The following NLRP5 variants were observed in gnomAD, a reference collection of about 807,000 sequenced individuals.
NLRP5 encodes the protein NLR family pyrin domain containing 5.
NLRP5 carries 93 observed loss-of-function variants against 113.1 expected under a neutral mutation model. The ratio of observed to expected loss-of-function variants is 0.82; its 90% CI spans 0.70 to 0.98. NLRP5 has a LOEUF of 0.98. Ranked by LOEUF, NLRP5 falls within the 50% of genes least tolerant of loss-of-function variation. NLRP5 has a pLI of 0.00. For missense variants in NLRP5, 1,808 were observed against 1,514.3 expected (o/e 1.19, Z -3.22); for synonymous variants, 751 against 600.7 (o/e 1.25, Z -3.66).
chr19:56,020,056 C>G (rs557958463), intron 5 of NLRP5, among the ~76,000 whole-genome samples: 2 of 151,768 alleles, frequency 1.3e-5, no homozygotes, highest in Non-Finnish European at 2.9e-5. Context: ...AAGCTGGTCT[C>G]GAACTCGTGA....
chr19:56,017,229 T>C (rs1982441695), intron 4 of NLRP5, among the ~76,000 whole-genome samples: 2 of 152,210 alleles, frequency 1.3e-5, no homozygotes, highest in African/African-American at 4.8e-5. Flanking sequence ...ATTTTGTTCT[T>C]TTCAAAGAAC....
At chr19:56,022,898 A>G (rs542689620) in intron 6 of NLRP5, among the ~76,000 whole-genome samples, 1 of 152,058 alleles carries the variant, frequency 6.6e-6, no homozygotes, top group Non-Finnish European at 1.5e-5. Context: ...CTAATTTTGT[A>G]TTTTTAGTAG....
chr19:56,042,248 T>G (rs188729182), intron 11 of NLRP5, among the ~76,000 whole-genome samples: 62 of 152,270 alleles, frequency 4.1e-4, no homozygotes, highest in African/African-American at 1.3e-3. Flanking sequence ...TGATTACTAC[T>G]GCATTTATTA....
chr19:56,031,207 A>T (rs1983099084), intron 7 of NLRP5, among the ~76,000 whole-genome samples: 1 of 152,066 alleles, frequency 6.6e-6, no homozygotes. Context: ...TGAACAATGG[A>T]TCTCTAGAAC....
In NLRP5 at chr19:56,000,450, C is replaced by T. The variant is rs562485726; in HGVS notation, c.62+663C>T. 1.9e-3 allele frequency among the ~76,000 whole-genome samples: 294 copies of T among 152,076 alleles called. 1 individual carries two copies. The highest frequency in any genetic ancestry group is 2.9e-3 in the Non-Finnish European group (200 of 68,008). On this transcript the variant is annotated intron_variant, in intron 1 of 14. Transcript: ENST00000390649. The stretch of plus-strand genomic sequence containing the variant: ...CACGATCTTGACTCACTGCAAGCTC[C>T]GACTCCCGGGTTCACACCATTCTCC...
At chr19:56,013,596 G>GGTTTTTTTTT (rs1555765383) in intron 3 of NLRP5, among the ~76,000 whole-genome samples, 633 of 59,264 alleles carry the variant, frequency 0.011, 20 homozygotes, top group South Asian at 0.017. Context: ...GGACATTTGG[G>GGTTTTTTTTT]TTTTTTTTTT....
At chr19:56,022,786 G>A (rs1451568670) in intron 6 of NLRP5, among the ~76,000 whole-genome samples, 6 of 152,008 alleles carry the variant, frequency 3.9e-5, no homozygotes, top group East Asian at 1.9e-4. Flanking sequence ...GTGCAATGGC[G>A]CGATCTCAGC....
intron 6 of NLRP5, among the ~76,000 whole-genome samples, chr19:56,022,100 G>A (rs970972104): frequency 5.3e-5 from 8 of 152,246 alleles, no homozygotes; most frequent in East Asian, 1.9e-4. Flanking sequence ...AAATTGGGAC[G>A]AATAATATAC....
intron 2 of NLRP5, among the ~76,000 whole-genome samples, chr19:56,005,824 A>C (rs62123578): frequency 0.048 from 7,277 of 152,300 alleles, 269 homozygotes; most frequent in South Asian, 0.081. Flanking sequence ...TCAAGTCAGC[A>C]CTGCACTGAA....
At chr19:56,006,939 C>T (rs1157698737) in intron 2 of NLRP5, among the ~76,000 whole-genome samples, 2 of 151,096 alleles carry the variant, frequency 1.3e-5, no homozygotes, top group African/African-American at 4.9e-5. Flanking sequence ...AGGGGTTTCA[C>T]CTTGTTAGCC....
At chr19:56,035,272 C>T (rs184356383) in intron 9 of NLRP5, among the ~76,000 whole-genome samples, 16 of 152,248 alleles carry the variant, frequency 1.1e-4, no homozygotes, top group African/African-American at 3.9e-4. Flanking sequence ...CAACTAACAT[C>T]GAAGAATAGT....
chr19:56,028,642 C>T (rs923955629), intron 7 of NLRP5, 133 bp downstream of exon 7: 24 of 896,962 alleles, frequency 2.7e-5, no homozygotes, highest in Non-Finnish European at 3.8e-5. Context: ...AGATGACGTC[C>T]AGCTGGCTAA....
intron 13 of NLRP5, among the ~76,000 whole-genome samples, chr19:56,055,027 T>G (rs1984080475): frequency 7.6e-6 from 1 of 132,160 alleles, no homozygotes. Context: ...TGAGACAGAG[T>G]CTTACTCTGT....
Position 56,015,817 on chromosome 19 carries a change from T to C in NLRP5, c.565+19T>C, listed in dbSNP as rs1386082277. ...GAACAAGGTGAATGAAATAGATCTA[T>C]TCATTTGTTGCCCTCCTGGAAGAAA... On this transcript the variant is annotated intron_variant, in intron 4 of 14. Transcript: ENST00000390649. 1 of 1,534,966 alleles carries C rather than the reference T, an allele frequency of 6.5e-7. No individual in the cohort carries two copies. The highest frequency in any genetic ancestry group is 8.8e-7 in the Non-Finnish European group (1 of 1,133,612).
At chr19:56,033,407 A>G in intron 8 of NLRP5, 135 bp from the exon 9 acceptor site, 1 of 695,402 alleles carries the variant, frequency 1.4e-6, no homozygotes, top group Non-Finnish European at 2.5e-6. Context: ...ACAGGCACTC[A>G]GGTATTCGTT....
intron 12 of NLRP5, among the ~76,000 whole-genome samples, chr19:56,053,225 G>A (rs941982611): frequency 3.3e-5 from 5 of 151,340 alleles, no homozygotes; most frequent in East Asian, 2.0e-4. Flanking sequence ...GAGAAACCCC[G>A]TCTCTACTAA....
chr19:56,009,820 G>A (rs1275054434), intron 3 of NLRP5, among the ~76,000 whole-genome samples: 3 of 152,170 alleles, frequency 2.0e-5, no homozygotes, highest in African/African-American at 7.2e-5. Flanking sequence ...TTTTGATGGA[G>A]CTTTGCTCAG....
At chr19:56,029,675 C>G (rs988084479) in intron 7 of NLRP5, among the ~76,000 whole-genome samples, 1 of 152,240 alleles carries the variant, frequency 6.6e-6, no homozygotes, top group African/African-American at 2.4e-5. Context: ...ACCCAGAACA[C>G]AGCAGTGACG....
chr19:55,995,078 A>T (rs1200761526), upstream of NLRP5, among the ~76,000 whole-genome samples: 1 of 152,110 alleles, frequency 6.6e-6, no homozygotes. Context: ...ATGAAGCTGG[A>T]AACTATCATT....
Sources: gnomAD v4.1 joint callset for allele counts (sites outside exome capture counted in the v4.1 genomes callset) on GRCh38, gnomAD v4.1.1 for gene constraint, MANE v1.5 for transcripts, NCBI Gene and HGNC (gene_info 2026-07-23, HGNC 2026-07-21) for gene names.